Variants in LOXL2 observed in about 807,000 individuals in gnomAD.
The protein encoded by LOXL2 is lysyl oxidase like 2, also known as lysyl oxidase homolog 2.
In LOXL2, 70 loss-of-function variants were observed where a neutral mutation model predicts 93.0. The ratio of observed to expected loss-of-function variants is 0.75; its 90% CI spans 0.62 to 0.92. The LOEUF is 0.92. Among genes scored for constraint, LOXL2 ranks in the 40% least tolerant of loss-of-function variants. The pLI, the probability that LOXL2 is intolerant of heterozygous loss-of-function variation, is 0.00. For synonymous variants in LOXL2, 438 were observed against 413.2 expected (o/e 1.06, Z -0.73); for missense variants, 973 against 1,054.9 (o/e 0.92, Z 1.08).
intron 9 of LOXL2, among the ~76,000 whole-genome samples, chr8:23,314,648 T>A (rs1156925985): frequency 6.7e-6 from 1 of 150,010 alleles, no homozygotes; most frequent in African/African-American, 2.5e-5. Flanking sequence ...TGTTGTGGGG[T>A]GCGGGGAGAG....
rs943919448 is a variant in LOXL2, at chr8:23,297,015, T to C, written c.*1028A>G. ...TAGGAGCTGCCCCTTTTGGAGTCTA[T>C]TGAAGGAGGTGCCCTGGTGGCCACA... On this transcript the variant is annotated 3_prime_UTR_variant, in exon 14 of 14. Transcript: ENST00000389131. 6.6e-6 allele frequency among the ~76,000 whole-genome samples: 1 copy of C among 152,268 alleles called. No individual in the cohort carries two copies. The highest frequency in any genetic ancestry group is 2.4e-5 in the African/African-American group (1 of 41,556).
intron 1 of LOXL2, among the ~76,000 whole-genome samples, chr8:23,397,172 G>C (rs1012596981): frequency 1.3e-5 from 2 of 152,174 alleles, no homozygotes; most frequent in African/African-American, 4.8e-5. Flanking sequence ...GAGACAGAAA[G>C]TAGAATGGGG....
In LOXL2 at chr8:23,319,903, G is replaced by T. The variant is rs761024060; in HGVS notation, c.1452C>A (p.Phe484Leu). Reference protein sequence around the residue: ...MVVCRQLGLGFASNAFQETWY... With the variant: ...MVVCRQLGLGLASNAFQETWY... The stretch of plus-strand genomic sequence containing the variant: ...TTCTCACCTGGAAGGCGTTGCTGGC[G>T]AATCCCAGGCCCAGCTGGCGGCAGA... Residue 484 changes from phenylalanine (F) to leucine (L), a missense_variant, in exon 8 of 14, where the codon TTC (phenylalanine) becomes TTA (leucine). Transcript: ENST00000389131. 1 of 1,613,634 alleles carries T rather than the reference G, an allele frequency of 6.2e-7. No homozygotes were observed. Among genetic ancestry groups the T allele is most frequent in the South Asian group, 1.1e-5 (1 of 91,068 alleles).
intron 3 of LOXL2, among the ~76,000 whole-genome samples, chr8:23,353,091 G>A (rs970477329): frequency 1.3e-5 from 2 of 152,146 alleles, no homozygotes; most frequent in Admixed American, 6.5e-5. Context: ...CTGATCTAAC[G>A]ACACACAGCC....
chr8:23,348,500 T>C (rs1278441688), intron 3 of LOXL2, among the ~76,000 whole-genome samples: 2 of 151,834 alleles, frequency 1.3e-5, no homozygotes, highest in Non-Finnish European at 2.9e-5. Flanking sequence ...CCCAGGAGTT[T>C]GAGGCTGCAG....
Position 23,346,100 on chromosome 8 carries a change from A to ATTAAATTAAAT in LOXL2, c.532-4898_532-4897insATTTAATTTAA, listed in dbSNP as rs1563197353. ...AAATAAAATAATAAAATAAAATAAA[A>ATTAAATTAAAT]TAAAATAAAATAAAATTAAAATAAA... On this transcript the variant is annotated intron_variant, in intron 3 of 13. Transcript: ENST00000389131. 7.5e-5 allele frequency among the ~76,000 whole-genome samples: 6 copies of ATTAAATTAAAT among 79,910 alleles called. 1 individual carries two copies. Among genetic ancestry groups the ATTAAATTAAAT allele is most frequent in the African/African-American group, 3.1e-4 (5 of 16,330 alleles). The allele number at this position is 79,910 out of a possible 152,430, so 52.4% of individuals were successfully genotyped here.
intron 3 of LOXL2, among the ~76,000 whole-genome samples, chr8:23,346,204 A>T (rs368650219): frequency 1.3e-5 from 1 of 75,882 alleles, no homozygotes; most frequent in Non-Finnish European, 2.3e-5. Context: ...ATAAAATAAA[A>T]TAAATAAAAT....
chr8:23,304,231 C>A lies in LOXL2; in HGVS notation c.1881-834G>T, dbSNP rs904013979. On this transcript the variant is annotated intron_variant, in intron 10 of 13. Transcript: ENST00000389131. ...AATCCCTTGCCGCTGGTTTACATAA[C>A]GAGGCTCCCTCTCTTCCCTCGGGAG... is the stretch of plus-strand genomic sequence containing the variant. Among the ~76,000 whole-genome samples the A allele has an allele frequency of 2.0e-5, 3 of 152,206 alleles. No individual in the cohort carries two copies. In the South Asian group the frequency reaches 6.2e-4, roughly 31 times the overall value.
intron 5 of LOXL2, among the ~76,000 whole-genome samples, chr8:23,332,195 CCACA>C (rs1273549743): frequency 1.3e-5 from 2 of 148,558 alleles, no homozygotes; most frequent in East Asian, 2.0e-4. Flanking sequence ...CACACACACC[CCACA>C]CACACCCACA....
Position 23,368,206 on chromosome 8 carries a change from G to T in LOXL2, c.146C>A (p.Ala49Asp), listed in dbSNP as rs774720967. 13 of 1,613,930 alleles carry T rather than the reference G, an allele frequency of 8.1e-6. No homozygotes were observed. In the African/African-American group the frequency reaches 1.2e-4, roughly 15 times the overall value. The part of the protein sequence containing the change: ...QPAPEYHQPQ[A>D]PANVAKIQLR... ...CTGAATCTTGGCCACGTTGGCGGGGGCCTGGGGCTGGTGATACTCAGGAGC... is the reference window on the plus strand; with the variant it reads ...CTGAATCTTGGCCACGTTGGCGGGGTCCTGGGGCTGGTGATACTCAGGAGC... The change falls in exon 2 of 14, where the codon GCC becomes GAC. Residue 49 changes from alanine to aspartate, a missense_variant. Transcript: ENST00000389131.
At chr8:23,315,994 C>T (rs867081669) in intron 9 of LOXL2, among the ~76,000 whole-genome samples, 4 of 152,180 alleles carry the variant, frequency 2.6e-5, no homozygotes, top group African/African-American at 7.2e-5. Context: ...ATGGTGATCT[C>T]GCCATCTCTC....
At chr8:23,386,623 T>C (rs1483305448) in intron 1 of LOXL2, among the ~76,000 whole-genome samples, 1 of 148,540 alleles carries the variant, frequency 6.7e-6, no homozygotes, top group Non-Finnish European at 1.5e-5. Flanking sequence ...GTGGGGAGAG[T>C]TTTTAGAAAA....
At chr8:23,354,924 G>A (rs4612352) in intron 3 of LOXL2, among the ~76,000 whole-genome samples, 18,613 of 126,960 alleles carry the variant, frequency 0.15, 1,503 homozygotes, top group Admixed American at 0.2. Flanking sequence ...CTTGGCTCTG[G>A]GAGTTGGAAT....
At chr8:23,304,562 G>C (rs1466946627) in intron 10 of LOXL2, among the ~76,000 whole-genome samples, 1 of 152,196 alleles carries the variant, frequency 6.6e-6, no homozygotes, top group Admixed American at 6.5e-5. Flanking sequence ...CTGTTTTGTT[G>C]CTGCAGGATC....
At chr8:23,305,146 C>T (rs779686494) in intron 10 of LOXL2, among the ~76,000 whole-genome samples, 2 of 152,144 alleles carry the variant, frequency 1.3e-5, no homozygotes, top group Non-Finnish European at 2.9e-5. Flanking sequence ...GACTCACTGC[C>T]TAAAAAATGT....
At chr8:23,330,622 GCT>G (rs773000621) in intron 5 of LOXL2, among the ~76,000 whole-genome samples, 16 of 152,212 alleles carry the variant, frequency 1.1e-4, no homozygotes, top group Middle Eastern at 3.4e-3. Context: ...AGGCACGCTC[GCT>G]CTGTTTTAAT....
Position 23,368,432 on chromosome 8 carries a change from T to A in LOXL2, c.-81A>T. The A allele has an allele frequency of 8.2e-7, 1 of 1,213,348 alleles. No individual in the cohort carries two copies. The highest frequency in any genetic ancestry group is 1.2e-6 in the Non-Finnish European group (1 of 835,680). 75.2% of individuals were successfully genotyped at this position (1,213,348 alleles called of 1,614,324 possible). A position where few individuals can be genotyped will look rare whatever the true frequency, so the allele number is the denominator to read the frequency against. ...GGCGGGGTACAGAAGCAGCAGGAGCTTTCTGGAAGAGAGGAGAGATGCGTT... is the reference window on the plus strand; with the variant it reads ...GGCGGGGTACAGAAGCAGCAGGAGCATTCTGGAAGAGAGGAGAGATGCGTT... On this transcript the variant is annotated splice_region_variant and 5_prime_UTR_variant, in exon 2 of 14. It adds an upstream start codon to the 5' untranslated region. Transcript: ENST00000389131.
chr8:23,333,692 G>C, intron 4 of LOXL2, 69 bp from the exon 5 acceptor site: 1 of 1,269,998 alleles, frequency 7.9e-7, no homozygotes, highest in Non-Finnish European at 1.1e-6. Flanking sequence ...TCTGCAACGA[G>C]GCAGAACATG....
At chr8:23,316,675 C>A in intron 9 of LOXL2, 2 of 453,692 alleles carry the variant, frequency 4.4e-6, no homozygotes, top group Non-Finnish European at 7.7e-6. Flanking sequence ...TGTAGTCTGC[C>A]CTGGGTCACT....
Sources: gnomAD v4.1 joint callset for allele counts (sites outside exome capture counted in the v4.1 genomes callset) on GRCh38, gnomAD v4.1.1 for gene constraint, MANE v1.5 for transcripts, NCBI Gene and HGNC (gene_info 2026-07-23, HGNC 2026-07-21) for gene names.